The following BCL7A variants were observed in gnomAD, a reference collection of about 807,000 sequenced individuals.
BCL7A encodes the protein BAF chromatin remodeling complex subunit BCL7A, also known as B-cell CLL/lymphoma 7 protein family member A.
A neutral mutation model predicts 28.4 loss-of-function variants in BCL7A; 11 were observed. The observed-to-expected ratio is 0.39, with a 90% CI of 0.24 to 0.64. The LOEUF (loss-of-function observed/expected upper bound fraction) is 0.64, where lower values mean the gene tolerates loss of function less well. BCL7A is among the 30% of genes least tolerant of loss of function. The probability of loss-of-function intolerance (pLI) is 0.50; values close to 1 mark genes in which losing one functional copy is unlikely to be tolerated. For missense variants in BCL7A, 222 were observed against 274.8 expected, an observed-to-expected ratio of 0.81 and a Z score of 1.36; for synonymous variants, 123 against 103.3, an observed-to-expected ratio of 1.19 and a Z score of -1.15.
At chr12:122,055,757 T>G (rs1408237060) in intron 5 of BCL7A, among the ~76,000 whole-genome samples, 1 of 152,178 alleles carries the variant, frequency 6.6e-6, no homozygotes, top group Non-Finnish European at 1.5e-5. Flanking sequence ...TAGGTGGGAT[T>G]ACAGGTGCCT....
At chr12:122,022,840 C>A (rs1278311059) in intron 1 of BCL7A, among the ~76,000 whole-genome samples, 1 of 151,436 alleles carries the variant, frequency 6.6e-6, no homozygotes, top group East Asian at 2.0e-4. Context: ...GGGGCGAGCG[C>A]TGGGAGCCAG....
intron 4 of BCL7A, among the ~76,000 whole-genome samples, chr12:122,051,727 G>A (rs2135858080): frequency 6.6e-6 from 1 of 152,300 alleles, no homozygotes. Context: ...AGAGCCTGCT[G>A]TGCCCGGCAG....
chr12:122,025,342 A>AG (rs1476059956), intron 1 of BCL7A, among the ~76,000 whole-genome samples: 1 of 151,722 alleles, frequency 6.6e-6, no homozygotes, highest in Admixed American at 6.6e-5. Context: ...AAGAAAAAAA[A>AG]GAGCCGGGCG....
chr12:122,036,139 C>T (rs1257198710), intron 3 of BCL7A, among the ~76,000 whole-genome samples: 1 of 152,216 alleles, frequency 6.6e-6, no homozygotes, highest in Non-Finnish European at 1.5e-5. Flanking sequence ...CCGTGCCCGG[C>T]CTCCAAACTG....
chr12:122,048,605 G>A (rs886901148), intron 4 of BCL7A, among the ~76,000 whole-genome samples: 3 of 152,094 alleles, frequency 2.0e-5, no homozygotes, highest in African/African-American at 7.2e-5. Context: ...TTTAAAATTA[G>A]CTGGATGTGG....
In BCL7A at chr12:122,021,980, G is replaced by C. The variant is rs1883468584; in HGVS notation, c.-112G>C. On this transcript the variant is annotated 5_prime_UTR_variant, in exon 1 of 6. Coordinates refer to ENST00000261822, the MANE Select transcript of BCL7A (RefSeq NM_001024808.3). Reference sequence around the variant, plus strand: ...TGTGAGTGTGTGCGTGTGAGAGTGCGAGTGTCTGTGCGCGAGTGAGTGAGC... The same window carrying C: ...TGTGAGTGTGTGCGTGTGAGAGTGCCAGTGTCTGTGCGCGAGTGAGTGAGC... 1 of 769,260 alleles carries C rather than the reference G, an allele frequency of 1.3e-6. No individual in the cohort carries two copies. The highest frequency in any genetic ancestry group is 1.6e-5 in the South Asian group (1 of 61,626). 47.7% of individuals were successfully genotyped at this position (769,260 alleles called of 1,614,324 possible). A position where few individuals can be genotyped will look rare whatever the true frequency, so the allele number is the denominator to read the frequency against.
chr12:122,044,346 C>CAAA (rs201881815), intron 4 of BCL7A: 8 of 218,434 alleles, frequency 3.7e-5, no homozygotes, highest in Non-Finnish European at 7.0e-5. Context: ...TCATCTCTAC[C>CAAA]AAAAAAAAAA....
intron 4 of BCL7A, among the ~76,000 whole-genome samples, chr12:122,050,499 C>T (rs901638958): frequency 3.9e-5 from 6 of 152,190 alleles, no homozygotes; most frequent in African/African-American, 1.4e-4. Context: ...CCCCTCATGG[C>T]CCCCGTGATC....
At chr12:122,055,066 G>A in intron 5 of BCL7A, 140 bp downstream of exon 5, 1 of 1,535,552 alleles carries the variant, frequency 6.5e-7, no homozygotes, top group Non-Finnish European at 8.9e-7. Flanking sequence ...TGTCCATTGG[G>A]CTATGTCCAT....
intron 5 of BCL7A, among the ~76,000 whole-genome samples, chr12:122,056,760 C>G (rs1285718684): frequency 6.6e-6 from 1 of 152,060 alleles, no homozygotes; most frequent in Non-Finnish European, 1.5e-5. Context: ...GGGCTATGAT[C>G]CTACCATTGC....
rs763953287 is a variant in BCL7A, at chr12:122,060,555, A to G, written c.*1392A>G. ...GAGGCCTGGTTTGCTCTTAATTAATATATGAACTCCTCAGACCTTAAACCT... is the reference window on the plus strand; with the variant it reads ...GAGGCCTGGTTTGCTCTTAATTAATGTATGAACTCCTCAGACCTTAAACCT... On this transcript the variant is annotated 3_prime_UTR_variant, in exon 6 of 6. Transcript: ENST00000261822. The G allele has an allele frequency of 8.6e-6, 2 of 232,900 alleles. No homozygotes were observed. The highest frequency in any genetic ancestry group is 1.7e-5 in the Non-Finnish European group (2 of 117,570). The allele number at this position is 232,900 out of a possible 1,614,324, so 14.4% of individuals were successfully genotyped here. A position where few individuals can be genotyped will look rare whatever the true frequency, so the allele number is the denominator to read the frequency against.
intron 1 of BCL7A, among the ~76,000 whole-genome samples, chr12:122,022,899 C>T (rs1883501958): frequency 1.3e-5 from 2 of 152,172 alleles, no homozygotes; most frequent in South Asian, 2.1e-4. Context: ...TGCGCGGCGC[C>T]CCGGGCGGGG....
At chr12:122,033,259 C>T (rs1157820535) in intron 2 of BCL7A, among the ~76,000 whole-genome samples, 1 of 151,910 alleles carries the variant, frequency 6.6e-6, no homozygotes, top group Non-Finnish European at 1.5e-5. Flanking sequence ...TCTCTGCCTC[C>T]TGAGTAGCTG....
chr12:122,039,189 CG>C (rs1269180651), intron 3 of BCL7A, among the ~76,000 whole-genome samples: 4 of 150,904 alleles, frequency 2.7e-5, no homozygotes, highest in Non-Finnish European at 5.9e-5. Context: ...CCCAGCTACT[CG>C]GGAGGCTGAG....
At chr12:122,053,545 G>A (rs919780015) in intron 4 of BCL7A, among the ~76,000 whole-genome samples, 3 of 152,122 alleles carry the variant, frequency 2.0e-5, no homozygotes, top group South Asian at 2.1e-4. Flanking sequence ...GATTCGTTTC[G>A]TGTGTGCTTT....
chr12:122,023,110 A>G (rs1437791805), intron 1 of BCL7A, among the ~76,000 whole-genome samples: 1 of 152,178 alleles, frequency 6.6e-6, no homozygotes, highest in Non-Finnish European at 1.5e-5. Flanking sequence ...GGTCGACATT[A>G]AGGGGATCGA....
intron 4 of BCL7A, among the ~76,000 whole-genome samples, chr12:122,045,029 T>C (rs985075788): frequency 2.6e-5 from 4 of 151,918 alleles, no homozygotes; most frequent in Non-Finnish European, 5.9e-5. Context: ...GAGCAAGCCA[T>C]GTGGGGATCT....
intron 5 of BCL7A, among the ~76,000 whole-genome samples, chr12:122,058,541 C>T (rs1054921733): frequency 6.6e-6 from 1 of 152,176 alleles, no homozygotes; most frequent in Admixed American, 6.6e-5. Flanking sequence ...TGCCTGTAAT[C>T]ACAGCTACTT....
At chr12:122,039,911 G>C (rs1883934064) in intron 3 of BCL7A, among the ~76,000 whole-genome samples, 1 of 152,178 alleles carries the variant, frequency 6.6e-6, no homozygotes, top group East Asian at 1.9e-4. Context: ...TGTTGCCCAG[G>C]CTGTTTCCAA....
Sources: allele counts gnomAD v4.1 joint callset (sites outside exome capture counted in the v4.1 genomes callset), GRCh38; gene constraint gnomAD v4.1.1; transcripts MANE v1.5; gene names NCBI Gene and HGNC (gene_info 2026-07-23, HGNC 2026-07-21).